The following UEVLD variants were observed in gnomAD, a reference collection of about 807,000 sequenced individuals.
UEVLD encodes the protein UEV and lactate/malate dehyrogenase domains, also known as ubiquitin-conjugating enzyme E2 variant 3.
Under a neutral mutation model 58.6 loss-of-function variants are expected in UEVLD, and 47 were observed. The ratio of observed to expected loss-of-function variants is 0.80; its 90% CI spans 0.63 to 1.02. UEVLD has a LOEUF of 1.02. UEVLD is among the 50% of genes least tolerant of loss of function. The probability of loss-of-function intolerance (pLI) is 0.00; values close to 1 mark genes in which losing one functional copy is unlikely to be tolerated. For missense variants in UEVLD, 510 were observed against 550.6 expected (o/e 0.93, Z 0.74); for synonymous variants, 197 against 195.3 (o/e 1.01, Z -0.07).
In UEVLD at chr11:18,540,794, G is replaced by A. The variant is rs150926189; in HGVS notation, c.1060+3829C>T. Among the ~76,000 whole-genome samples the A allele has an allele frequency of 4.9e-3, 746 of 152,152 alleles. 6 individuals are homozygous for A. Among genetic ancestry groups the A allele is most frequent in the African/African-American group, 0.017 (721 of 41,526 alleles). On this transcript the variant is annotated intron_variant, in intron 9 of 11. Coordinates refer to ENST00000396197, the MANE Select transcript of UEVLD (RefSeq NM_001040697.4). Reference sequence around the variant, plus strand: ...CTGTGGTTTTATCCTACTTCCCTTGGACCTCTCTCAGAGTACAGCCTTCCA... The same window carrying A: ...CTGTGGTTTTATCCTACTTCCCTTGAACCTCTCTCAGAGTACAGCCTTCCA...
chr11:18,570,939 C>CAAAA, intron 3 of UEVLD, among the ~76,000 whole-genome samples: 1 of 137,608 alleles, frequency 7.3e-6, no homozygotes, highest in Non-Finnish European at 1.6e-5. Flanking sequence ...CCCTGCCTCT[C>CAAAA]AAAAAAAAAA....
chr11:18,540,658 G>A (rs1312462363), intron 9 of UEVLD, among the ~76,000 whole-genome samples: 1 of 152,186 alleles, frequency 6.6e-6, no homozygotes, highest in Admixed American at 6.5e-5. Context: ...CATTATGTGT[G>A]TCAAATATTA....
At chr11:18,567,647 TCAAA>T (rs1852365166) in intron 4 of UEVLD, among the ~76,000 whole-genome samples, 1 of 152,184 alleles carries the variant, frequency 6.6e-6, no homozygotes, top group Non-Finnish European at 1.5e-5. Flanking sequence ...ACTGTGCTGT[TCAAA>T]CAAATTCCAT....
At chr11:18,560,335 A>G (rs774095483) in intron 6 of UEVLD, among the ~76,000 whole-genome samples, 6 of 152,196 alleles carry the variant, frequency 3.9e-5, no homozygotes, top group Non-Finnish European at 8.8e-5. Flanking sequence ...AAAGAAAACT[A>G]TGAGTTACCA....
At chr11:18,565,652 A>C (rs1284300030) in intron 5 of UEVLD, among the ~76,000 whole-genome samples, 1 of 151,920 alleles carries the variant, frequency 6.6e-6, no homozygotes, top group Non-Finnish European at 1.5e-5. Context: ...AACATGGCAA[A>C]ACCTCATTCT....
chr11:18,579,814 C>T (rs961682987), intron 1 of UEVLD, among the ~76,000 whole-genome samples: 1 of 151,996 alleles, frequency 6.6e-6, no homozygotes, highest in Non-Finnish European at 1.5e-5. Context: ...TTTGAGACAA[C>T]AATTCCTTTT....
At chr11:18,545,539 G>A (rs1033759435) in intron 8 of UEVLD, among the ~76,000 whole-genome samples, 2 of 152,000 alleles carry the variant, frequency 1.3e-5, no homozygotes, top group African/African-American at 4.8e-5. Context: ...CTGCCTCCCA[G>A]GTTCAAGGGA....
chr11:18,532,896 G>C (rs1850626827), intron 11 of UEVLD, among the ~76,000 whole-genome samples: 1 of 152,120 alleles, frequency 6.6e-6, no homozygotes, highest in East Asian at 1.9e-4. Context: ...GGTACCATAA[G>C]AGTGTGTATT....
chr11:18,580,319 T>A (rs1328624345), intron 1 of UEVLD, among the ~76,000 whole-genome samples: 1 of 151,786 alleles, frequency 6.6e-6, no homozygotes, highest in Non-Finnish European at 1.5e-5. Context: ...AAATACAGAG[T>A]CAGGGTTACT....
intron 2 of UEVLD, 40 bp from the exon 3 acceptor site, chr11:18,575,452 A>T: frequency 6.4e-7 from 1 of 1,573,904 alleles, no homozygotes; most frequent in Non-Finnish European, 8.6e-7. Flanking sequence ...GTGCAATCAG[A>T]AACAGAAAGA....
At chr11:18,561,859 A>G (rs1370342594) in intron 6 of UEVLD, among the ~76,000 whole-genome samples, 1 of 150,724 alleles carries the variant, frequency 6.6e-6, no homozygotes, top group African/African-American at 2.4e-5. Context: ...AGTTTGCGCC[A>G]CTGCACTCCA....
intron 7 of UEVLD, among the ~76,000 whole-genome samples, chr11:18,554,307 G>T (rs1029908407): frequency 6.6e-6 from 1 of 151,482 alleles, no homozygotes; most frequent in Non-Finnish European, 1.5e-5. Flanking sequence ...GGTCAGGCTG[G>T]TCTCAAACTC....
intron 5 of UEVLD, among the ~76,000 whole-genome samples, chr11:18,565,692 G>A (rs72878890): frequency 0.027 from 4,129 of 152,006 alleles, 58 homozygotes; most frequent in Middle Eastern, 0.044. Context: ...GGCTGGGCAT[G>A]CCTGTAGTCC....
At chr11:18,550,772 T>G (rs974906093) in intron 7 of UEVLD, among the ~76,000 whole-genome samples, 1 of 152,244 alleles carries the variant, frequency 6.6e-6, no homozygotes, top group African/African-American at 2.4e-5. Flanking sequence ...TCTGACCAAA[T>G]AGAGTCTTCC....
At chr11:18,544,830 G>T in intron 8 of UEVLD, 34 bp from the exon 9 acceptor site, 1 of 1,462,370 alleles carries the variant, frequency 6.8e-7, no homozygotes, top group Non-Finnish European at 9.0e-7. Context: ...AAATGTAAAG[G>T]TTAAAAAATA....
intron 2 of UEVLD, among the ~76,000 whole-genome samples, chr11:18,578,124 T>C (rs1278464005): frequency 6.6e-6 from 1 of 152,144 alleles, no homozygotes; most frequent in Non-Finnish European, 1.5e-5. Context: ...TTGGCTAGCC[T>C]TAAAAAAATT....
At position 18,537,550 on chromosome 11, in the gene UEVLD, C is replaced by T. The variant is rs542868983; in HGVS notation, c.1061-1081G>A. On this transcript the variant is annotated intron_variant, in intron 9 of 11. Coordinates refer to ENST00000396197, the MANE Select transcript of UEVLD (RefSeq NM_001040697.4). ...TTTGCCATGTTAGCCAGGCAGGTCT[C>T]GAACTCCTGACCTCAGGTGATTCAC... Among the ~76,000 whole-genome samples, 5 of 150,686 alleles carry T rather than the reference C, an allele frequency of 3.3e-5. No homozygotes were observed. In the South Asian group the frequency reaches 8.4e-4, roughly 25 times the overall value.
At chr11:18,564,850 G>A (rs1852219094) in intron 6 of UEVLD, 42 bp downstream of exon 6, 2 of 1,421,974 alleles carry the variant, frequency 1.4e-6, no homozygotes, top group African/African-American at 1.4e-5. Flanking sequence ...CTAGAAGTGT[G>A]GCACTATGAT....
intron 2 of UEVLD, among the ~76,000 whole-genome samples, chr11:18,576,529 A>AAAAT (rs995874477): frequency 1.5e-4 from 23 of 152,196 alleles, no homozygotes; most frequent in African/African-American, 3.9e-4. Context: ...CCATCTCAGA[A>AAAAT]AAATAAATAA....
Sources: allele counts gnomAD v4.1 joint callset (sites outside exome capture counted in the v4.1 genomes callset), GRCh38; gene constraint gnomAD v4.1.1; transcripts MANE v1.5; gene names NCBI Gene and HGNC (gene_info 2026-07-23, HGNC 2026-07-21).